Variants in DNMBP observed in about 807,000 individuals in gnomAD.
DNMBP encodes dynamin-binding protein.
DNMBP carries 87 observed loss-of-function variants against 150.0 expected under a neutral mutation model. The ratio of observed to expected loss-of-function variants is 0.58; its 90% CI spans 0.49 to 0.69. The LOEUF (loss-of-function observed/expected upper bound fraction) is 0.69, where lower values mean the gene tolerates loss of function less well. Ranked by LOEUF, DNMBP falls within the 30% of genes least tolerant of loss-of-function variation. The pLI is 0.00. For missense variants in DNMBP, 1,774 were observed against 1,949.0 expected, an observed-to-expected ratio of 0.91 and a Z score of 1.69; for synonymous variants, 711 against 750.4, an observed-to-expected ratio of 0.95 and a Z score of 0.86.
chr10:99,947,454 G>T (rs2040370010), intron 4 of DNMBP, among the ~76,000 whole-genome samples: 1 of 152,062 alleles, frequency 6.6e-6, no homozygotes, highest in Non-Finnish European at 1.5e-5. Flanking sequence ...GAAAATTAAG[G>T]CTGAAGCAGA....
intron 1 of DNMBP, among the ~76,000 whole-genome samples, chr10:99,991,973 C>G (rs1242035201): frequency 7.0e-6 from 1 of 141,858 alleles, no homozygotes; most frequent in Non-Finnish European, 1.5e-5. Context: ...AGCAGTAGCA[C>G]ATGCCTGTAA....
chr10:99,949,102 T>C (rs2040392566), intron 4 of DNMBP, among the ~76,000 whole-genome samples: 1 of 152,338 alleles, frequency 6.6e-6, no homozygotes, highest in East Asian at 1.9e-4. Flanking sequence ...CTGCCATCTC[T>C]GCACTGATTC....
At position 99,971,993 on chromosome 10, in the gene DNMBP, C is replaced by T. The variant is rs2040682396; in HGVS notation, c.132G>A (p.Lys44=). 1.2e-6 allele frequency: 2 copies of T among 1,613,594 alleles called. No individual in the cohort carries two copies. The highest frequency in any genetic ancestry group is 1.7e-5 in the Admixed American group (1 of 59,932). Residue 44 remains lysine (K), a synonymous_variant, in exon 2 of 17, where the codon AAG becomes AAA. Transcript: ENST00000324109. ...VVDEFWLLGK[K]EDVTGQFPSS... Reference sequence around the variant, plus strand: ...TCTCTTACTTACCTGTAACATCCTCCTTCTTTCCTAGAAGCCAAAATTCAT... The same window carrying T: ...TCTCTTACTTACCTGTAACATCCTCTTTCTTTCCTAGAAGCCAAAATTCAT...
chr10:99,980,339 C>T (rs2040769107), intron 1 of DNMBP, among the ~76,000 whole-genome samples: 1 of 151,228 alleles, frequency 6.6e-6, no homozygotes, highest in Non-Finnish European at 1.5e-5. Flanking sequence ...CCCAGCTACT[C>T]AAGAGGCTGA....
Position 99,957,000 on chromosome 10 carries a change from A to G in DNMBP, c.474T>C (p.Ala158=), listed in dbSNP as rs761455866. The change falls in exon 4 of 17, where the codon GCT becomes GCC. Residue 158 remains alanine (A), a synonymous_variant. Coordinates refer to ENST00000324109, the MANE Select transcript of DNMBP (RefSeq NM_015221.4). ...GQARALMGLS[A]QLDEELDFRE... ...TGAAGTCCAGCTCTTCATCCAGCTG[A>G]GCAGAAAGCCCCATTAGGGCCCGGG... is the stretch of plus-strand genomic sequence containing the variant. 1.9e-6 allele frequency: 3 copies of G among 1,614,168 alleles called. No homozygotes were observed. Among genetic ancestry groups the G allele is most frequent in the Admixed American group, 1.7e-5 (1 of 60,024 alleles).
intron 4 of DNMBP, among the ~76,000 whole-genome samples, chr10:99,935,733 T>G (rs2040222895): frequency 6.6e-6 from 1 of 152,102 alleles, no homozygotes; most frequent in Non-Finnish European, 1.5e-5. Flanking sequence ...CCCGGCTAAT[T>G]TTGTATTCTT....
intron 10 of DNMBP, among the ~76,000 whole-genome samples, chr10:99,895,420 G>A (rs753142571): frequency 6.6e-6 from 1 of 152,166 alleles, no homozygotes; most frequent in Non-Finnish European, 1.5e-5. Context: ...GAGCCACCAC[G>A]CCCAGCCAAA....
rs753152097 is a variant in DNMBP at position 99,955,503 on chromosome 10, C to T, written c.1971G>A (p.Ala657=). Residue 657 remains alanine (A), a synonymous_variant, in exon 4 of 17, where the codon GCG becomes GCA. Coordinates refer to ENST00000324109, the MANE Select transcript of DNMBP (RefSeq NM_015221.4). ...GTCGAGATAGGAGCTTGGGGGATACCGCATTCGTTCTCTGCTGTGCTGAGG... is the reference window on the plus strand; with the variant it reads ...GTCGAGATAGGAGCTTGGGGGATACTGCATTCGTTCTCTGCTGTGCTGAGG... ...LPPSAQQRTN[A]VSPKLLSRHR... is the part of the protein sequence containing the mutation. 8 of 1,597,512 alleles carry T rather than the reference C, an allele frequency of 5.0e-6. No individual in the cohort carries two copies. The highest frequency in any genetic ancestry group is 3.5e-5 in the Admixed American group (2 of 57,720).
chr10:99,929,905 A>T (rs1181679045), intron 4 of DNMBP: 1 of 702,852 alleles, frequency 1.4e-6, no homozygotes, highest in Non-Finnish European at 2.6e-6. Flanking sequence ...TGATGGAGAG[A>T]ATCTGTCCCT....
rs2040028658 is a variant in DNMBP at position 99,922,053 on chromosome 10, A to G, written c.2261-12907T>C. On this transcript the variant is annotated intron_variant, in intron 4 of 16. Coordinates refer to ENST00000324109, the MANE Select transcript of DNMBP (RefSeq NM_015221.4). ...CACTGTGGAACCAGGTCTGCTGTGC[A>G]GCTATGAATACAAACATGGATCTTC... 2.0e-5 allele frequency among the ~76,000 whole-genome samples: 3 copies of G among 152,224 alleles called. 1 individual carries two copies. The highest frequency in any genetic ancestry group is 6.5e-5 in the Admixed American group (1 of 15,300).
At chr10:99,903,854 T>C (rs1409285638) in intron 6 of DNMBP, among the ~76,000 whole-genome samples, 1 of 152,174 alleles carries the variant, frequency 6.6e-6, no homozygotes, top group African/African-American at 2.4e-5. Context: ...ATAATCTCTT[T>C]CAAACTCTGG....
chr10:99,878,185 A>G (rs73333933), intron 16 of DNMBP, among the ~76,000 whole-genome samples: 3 of 152,254 alleles, frequency 2.0e-5, no homozygotes, highest in African/African-American at 7.2e-5. Flanking sequence ...AACACAAATT[A>G]TGAAAAAGAA....
chr10:99,878,358 G>A (rs999050601), intron 16 of DNMBP, among the ~76,000 whole-genome samples: 4 of 152,202 alleles, frequency 2.6e-5, no homozygotes, highest in Non-Finnish European at 5.9e-5. Flanking sequence ...AAGGGCTGGA[G>A]CTTTAGGACC....
intron 2 of DNMBP, among the ~76,000 whole-genome samples, chr10:99,969,496 T>A (rs1461570137): frequency 6.6e-6 from 1 of 152,146 alleles, no homozygotes; most frequent in Non-Finnish European, 1.5e-5. Flanking sequence ...GAGGAAAACA[T>A]AAGACAGTTT....
intron 3 of DNMBP, among the ~76,000 whole-genome samples, chr10:99,959,850 G>T (rs1214808129): frequency 1.5e-5 from 2 of 131,854 alleles, no homozygotes; most frequent in African/African-American, 5.7e-5. Flanking sequence ...GTGAGACCGT[G>T]TCTCAAAAAA....
chr10:99,909,357 C>A (rs1007387993), intron 4 of DNMBP, among the ~76,000 whole-genome samples: 1 of 152,164 alleles, frequency 6.6e-6, no homozygotes, highest in Non-Finnish European at 1.5e-5. Flanking sequence ...CTGTGCAATA[C>A]CATTTTGAGA....
Position 99,888,905 on chromosome 10 carries a change from ACACATCC to A in DNMBP, c.3198_3204del (p.Trp1066CysfsTer40). ...AGGTCCCGGTGTCCTCTCTCCATGC[ACACATCC>A]CACATGCTCACAGCAGCCACCACTT... On this transcript the variant is annotated frameshift_variant, in exon 12 of 17. Transcript: ENST00000324109. LOFTEE classifies it high-confidence loss of function. 6.2e-7 allele frequency: 1 copy of A among 1,614,174 alleles called. No individual in the cohort carries two copies. The highest frequency in any genetic ancestry group is 8.5e-7 in the Non-Finnish European group (1 of 1,180,032).
chr10:99,973,518 C>G (rs1416909255), intron 1 of DNMBP, among the ~76,000 whole-genome samples: 3 of 152,150 alleles, frequency 2.0e-5, no homozygotes, highest in Non-Finnish European at 4.4e-5. Context: ...GATACTAAGG[C>G]TCAGTATAGT....
At chr10:99,982,184 C>T (rs1167617616) in intron 1 of DNMBP, among the ~76,000 whole-genome samples, 1 of 152,174 alleles carries the variant, frequency 6.6e-6, no homozygotes. Flanking sequence ...GTGGCTCACA[C>T]CTATAATCCC....
Sources: allele counts gnomAD v4.1 joint callset (sites outside exome capture counted in the v4.1 genomes callset), GRCh38; gene constraint gnomAD v4.1.1; transcripts MANE v1.5; gene names NCBI Gene and HGNC (gene_info 2026-07-23, HGNC 2026-07-21).